Variants in NSD1 observed in about 807,000 individuals in gnomAD.
NSD1 encodes the protein nuclear receptor binding SET domain protein 1.
Under a neutral mutation model 242.7 loss-of-function variants are expected in NSD1, and 26 were observed. The ratio of observed to expected loss-of-function variants is 0.11; its 90% confidence interval spans 0.08 to 0.15. NSD1 has a LOEUF of 0.15. Among genes scored for constraint, NSD1 ranks in the 10% least tolerant of loss-of-function variants. The probability of loss-of-function intolerance (pLI) is 1.00; values close to 1 mark genes in which losing one functional copy is unlikely to be tolerated. For synonymous variants in NSD1, 1,106 were observed against 1,178.1 expected, an observed-to-expected ratio of 0.94 and a Z score of 1.25; for missense variants, 2,495 against 3,272.8, an observed-to-expected ratio of 0.76 and a Z score of 5.80.
rs772981865 is a variant in NSD1, at chr5:177,294,359, G to A, written c.6991G>A (p.Asp2331Asn). The A allele has an allele frequency of 5.3e-5, 85 of 1,614,056 alleles. 1 individual carries two copies. In the Admixed American group the frequency reaches 7.8e-4, roughly 15 times the overall value. Residue 2331 changes from aspartate to asparagine, a missense_variant, in exon 23 of 23, where the codon GAC (aspartate) becomes AAC (asparagine). Physicochemically the swap from Asp to Asn is conservative, Grantham distance 23 (BLOSUM62 1). Coordinates refer to ENST00000439151, the MANE Select transcript of NSD1 (RefSeq NM_022455.5). ...AVAGPRPQLSDKPSPVTSPSS... is the reference protein window; with the variant it reads ...AVAGPRPQLSNKPSPVTSPSS... ...GGCAGGACCAAGACCCCAGCTAAGC[G>A]ACAAACCCTCTCCAGTGACCAGCCC...
chr5:177,288,735 T>C (rs1759540081), intron 20 of NSD1, 84 bp from the exon 21 acceptor site: 1 of 953,366 alleles, frequency 1.0e-6, no homozygotes, highest in Admixed American at 1.7e-5. Flanking sequence ...TCTGTTCTCT[T>C]GGGAGTTGGT....
At chr5:177,181,428 T>G (rs866387210) in intron 2 of NSD1, among the ~76,000 whole-genome samples, 29 of 87,116 alleles carry the variant, frequency 3.3e-4, no homozygotes, top group African/African-American at 6.3e-4. Context: ...TTTTTTTTGG[T>G]TTTTTTTTTT....
intron 2 of NSD1, among the ~76,000 whole-genome samples, chr5:177,164,327 T>C (rs919956939): frequency 6.6e-6 from 1 of 151,888 alleles, no homozygotes; most frequent in Non-Finnish European, 1.5e-5. Flanking sequence ...TGGCTAATTT[T>C]TGTATTTTTA....
intron 2 of NSD1, among the ~76,000 whole-genome samples, chr5:177,165,488 T>A (rs1214034419): frequency 6.6e-6 from 1 of 152,206 alleles, no homozygotes; most frequent in Non-Finnish European, 1.5e-5. Flanking sequence ...GCCTTTTTTT[T>A]AAATTGTAAG....
At chr5:177,260,339 CTTTTTTTT>C (rs1174250871) in intron 14 of NSD1, among the ~76,000 whole-genome samples, 171 bp downstream of exon 14, 1 of 85,836 alleles carries the variant, frequency 1.2e-5, no homozygotes, top group Non-Finnish European at 2.2e-5. Flanking sequence ...CATAGCAGAA[CTTTTTTTT>C]TTTTTTTTTT....
At chr5:177,241,746 G>A (rs1765888669) in intron 8 of NSD1, among the ~76,000 whole-genome samples, 1 of 152,104 alleles carries the variant, frequency 6.6e-6, no homozygotes, top group Non-Finnish European at 1.5e-5. Context: ...AGTCTGTCCT[G>A]CCATCTGACC....
chr5:177,269,487 G>A lies in NSD1; in HGVS notation c.5304-115G>A. ...TTAGGTTGTAAGAATGCCGTAAGAT[G>A]GACTTTAATGTGGACAGACAGACAT... On this transcript the variant is annotated intron_variant, in intron 15 of 22. Coordinates refer to ENST00000439151, the MANE Select transcript of NSD1 (RefSeq NM_022455.5). The surrounding 1 kb of genome is among the most constrained non-coding windows in gnomAD (Gnocchi z 5.1). 1 of 898,310 alleles carries A rather than the reference G, an allele frequency of 1.1e-6. No individual in the cohort carries two copies. The allele number at this position is 898,310 out of a possible 1,614,324, so 55.6% of individuals were successfully genotyped here.
chr5:177,229,394 T>C (rs113829545), intron 5 of NSD1, among the ~76,000 whole-genome samples: 2,109 of 152,350 alleles, frequency 0.014, 46 homozygotes, highest in African/African-American at 0.048. Flanking sequence ...TTAGGGGTAG[T>C]GTGATTTGGC....
At chr5:177,241,935 C>G (rs1765904825) in intron 8 of NSD1, among the ~76,000 whole-genome samples, 1 of 152,130 alleles carries the variant, frequency 6.6e-6, no homozygotes, top group African/African-American at 2.4e-5. Context: ...TTTAAGGGTA[C>G]TCTGGCTTAA....
chr5:177,179,190 G>A (rs1760453986), intron 2 of NSD1, among the ~76,000 whole-genome samples: 1 of 152,144 alleles, frequency 6.6e-6, no homozygotes, highest in Middle Eastern at 3.4e-3. Context: ...TTCATCCTAG[G>A]ACCTTGGATT....
intron 17 of NSD1, among the ~76,000 whole-genome samples, chr5:177,274,628 A>AT (rs1267685360): frequency 2.0e-5 from 3 of 151,930 alleles, no homozygotes; most frequent in African/African-American, 7.3e-5. Context: ...CTTTGATGGC[A>AT]TTGTTCCTGG....
At chr5:177,227,948 A>G (rs944836628) in intron 5 of NSD1, among the ~76,000 whole-genome samples, 1 of 145,226 alleles carries the variant, frequency 6.9e-6, no homozygotes, top group Admixed American at 6.9e-5. Flanking sequence ...AACTCTCTCA[A>G]AAAAAAAAAA....
At chr5:177,213,945 TA>T (rs1420065294) in intron 5 of NSD1, among the ~76,000 whole-genome samples, 1 of 152,156 alleles carries the variant, frequency 6.6e-6, no homozygotes, top group African/African-American at 2.4e-5. Flanking sequence ...AAATTATGGT[TA>T]AAAAGCATGT....
chr5:177,294,042 C>G lies in NSD1; in HGVS notation c.6674C>G (p.Pro2225Arg), dbSNP rs755013078. 16 of 1,613,982 alleles carry G rather than the reference C, an allele frequency of 9.9e-6. No homozygotes were observed. In the South Asian group the frequency reaches 1.8e-4, roughly 18 times the overall value. The change falls in exon 23 of 23, where the codon CCA (proline) becomes CGA (arginine). Residue 2225 changes from proline (P) to arginine (R), a missense_variant. Around this residue, in one of 19 missense-constraint regions of NSD1, gnomAD observed 475 missense variants for 563.7 expected, o/e 0.84. Transcript: ENST00000439151. ...PGEIREYVPPPVPLPPGPSTH... is the reference protein window; with the variant it reads ...PGEIREYVPPRVPLPPGPSTH... ...GAGATCCGTGAGTATGTGCCTCCCC[C>G]AGTACCGCTGCCTCCAGGGCCAAGC...
intron 5 of NSD1, among the ~76,000 whole-genome samples, chr5:177,235,358 T>C (rs1307287921): frequency 6.6e-6 from 1 of 152,088 alleles, no homozygotes; most frequent in African/African-American, 2.4e-5. Context: ...AGATAACTTA[T>C]TATATATATA....
At chr5:177,173,182 C>T (rs1337841346) in intron 2 of NSD1, among the ~76,000 whole-genome samples, 1 of 149,542 alleles carries the variant, frequency 6.7e-6, no homozygotes, top group East Asian at 2.0e-4. Flanking sequence ...GTCCCAGCTA[C>T]TCGGGAGGCT....
In NSD1 at chr5:177,134,892, C is replaced by T. The variant is rs574174416; in HGVS notation, c.-17-195C>T. ...GCTGTTTCTATGTAGCAGGATCGGC[C>T]CAGCTTCGGGAAAATGGAGTTTTCA... On this transcript the variant is annotated intron_variant, in intron 1 of 22. Coordinates refer to ENST00000439151, the MANE Select transcript of NSD1 (RefSeq NM_022455.5). This position sits in a 1 kb window ranked among gnomAD's most constrained non-coding sequence, Gnocchi z 4.2. Among the ~76,000 whole-genome samples, 50 of 152,206 alleles carry T rather than the reference C, an allele frequency of 3.3e-4. No homozygotes were observed. The highest frequency in any genetic ancestry group is 3.4e-3 in the Middle Eastern group (1 of 294).
At chr5:177,145,436 G>T (rs781576106) in intron 2 of NSD1, among the ~76,000 whole-genome samples, 3 of 151,946 alleles carry the variant, frequency 2.0e-5, no homozygotes, top group Admixed American at 2.0e-4. Context: ...ATGCCACCAC[G>T]CCTGGCTAAT....
intron 14 of NSD1, among the ~76,000 whole-genome samples, chr5:177,263,724 C>T (rs757963444): frequency 1.3e-5 from 2 of 152,052 alleles, no homozygotes; most frequent in African/African-American, 4.8e-5. Context: ...CATGGAACAC[C>T]GTTTTTAATT....
Sources: allele counts gnomAD v4.1 joint callset (sites outside exome capture counted in the v4.1 genomes callset), GRCh38; gene constraint gnomAD v4.1.1; regional missense constraint gnomAD v4.1.1; non-coding constraint Gnocchi (gnomAD v3.1); transcripts MANE v1.5; gene names NCBI Gene and HGNC (gene_info 2026-07-23, HGNC 2026-07-21).